Variants in BCO1 observed in about 807,000 individuals in gnomAD.
BCO1 encodes beta,beta-carotene 15,15'-dioxygenase.
In BCO1, 54 loss-of-function variants were observed where a neutral mutation model predicts 56.3. That is an observed-to-expected ratio of 0.96 (90% CI 0.77 to 1.20). BCO1 has a LOEUF of 1.20. BCO1 is among the 50% of genes most tolerant of loss of function. The pLI, the probability that BCO1 is intolerant of heterozygous loss-of-function variation, is 0.00. For missense variants in BCO1, 801 were observed against 690.9 expected (o/e 1.16, Z -1.79); for synonymous variants, 318 against 266.1 (o/e 1.20, Z -1.90).
At chr16:81,248,405 C>CAAAAAAAAAAAAAAAAAAAAAAAAAAA (rs372084002) in intron 2 of BCO1, among the ~76,000 whole-genome samples, 1 of 102,798 alleles carries the variant, frequency 9.7e-6, no homozygotes, top group African/African-American at 4.2e-5. Flanking sequence ...CTCCCTCTCA[C>CAAAAAAAAAAAAAAAAAAAAAAAAAAA]AAAAAAAAAA....
chr16:81,275,370 G>A (rs1443023959), intron 7 of BCO1, among the ~76,000 whole-genome samples: 1 of 152,220 alleles, frequency 6.6e-6, no homozygotes. Context: ...AGGCCCGGGT[G>A]TGGTCTCAGA....
intron 2 of BCO1, among the ~76,000 whole-genome samples, chr16:81,257,843 G>A (rs1906239569): frequency 6.7e-6 from 1 of 149,192 alleles, no homozygotes; most frequent in Non-Finnish European, 1.5e-5. Flanking sequence ...TTCCACCATT[G>A]CACTCCAGCC....
At chr16:81,239,683 G>A (rs1905028024) in intron 1 of BCO1, among the ~76,000 whole-genome samples, 1 of 152,162 alleles carries the variant, frequency 6.6e-6, no homozygotes, top group African/African-American at 2.4e-5. Flanking sequence ...CACTTGCAGG[G>A]GATTGCAGAG....
chr16:81,260,991 G>A (rs1278024570), intron 3 of BCO1, among the ~76,000 whole-genome samples: 2 of 152,226 alleles, frequency 1.3e-5, no homozygotes, highest in African/African-American at 4.8e-5. Flanking sequence ...GATTGCTTCT[G>A]CTTTTTTGAG....
At chr16:81,282,562 G>A (rs879908402) in intron 8 of BCO1, among the ~76,000 whole-genome samples, 4 of 151,954 alleles carry the variant, frequency 2.6e-5, no homozygotes, top group Admixed American at 6.6e-5. Flanking sequence ...TCCCATAACC[G>A]GTTCTGTGAT....
intron 7 of BCO1, among the ~76,000 whole-genome samples, chr16:81,278,913 G>A (rs1457963725): frequency 6.6e-6 from 1 of 151,646 alleles, no homozygotes; most frequent in African/African-American, 2.4e-5. Context: ...CAGCTGCTAA[G>A]TTGCAGTAAA....
At chr16:81,243,387 T>G (rs1336265360) in intron 1 of BCO1, among the ~76,000 whole-genome samples, 1 of 152,190 alleles carries the variant, frequency 6.6e-6, no homozygotes, top group African/African-American at 2.4e-5. Context: ...GTTTCATTGC[T>G]TACAGTTTTC....
chr16:81,280,326 C>G (rs7200536), intron 7 of BCO1, among the ~76,000 whole-genome samples: 2 of 11,020 alleles, frequency 1.8e-4, no homozygotes, highest in South Asian at 4.1e-3. Context: ...CACACACAGA[C>G]ACACACACAC....
chr16:81,281,302 C>T (rs1043630012), intron 8 of BCO1, among the ~76,000 whole-genome samples: 34 of 152,026 alleles, frequency 2.2e-4, no homozygotes, highest in South Asian at 4.1e-4. Flanking sequence ...AAAAATTAGC[C>T]GGGTGTGGTG....
chr16:81,261,195 T>C (rs534569881), intron 3 of BCO1, among the ~76,000 whole-genome samples: 1 of 152,248 alleles, frequency 6.6e-6, no homozygotes, highest in South Asian at 2.1e-4. Flanking sequence ...AACCACGACC[T>C]GGAGGTCCTG....
chr16:81,264,527 G>A (rs1247725884), intron 4 of BCO1, 113 bp from the exon 5 acceptor site: 44 of 1,269,126 alleles, frequency 3.5e-5, no homozygotes, highest in Middle Eastern at 1.8e-4. Context: ...CCTAGAATCA[G>A]TCACGTTTTC....
chr16:81,267,845 T>C (rs1906923361), intron 5 of BCO1, 63 bp from the exon 6 acceptor site: 1 of 1,377,874 alleles, frequency 7.3e-7, no homozygotes, highest in Non-Finnish European at 1.0e-6. Flanking sequence ...GTGATGGTGG[T>C]GTGGTCTTGG....
chr16:81,272,118 T>C (rs923783807), intron 7 of BCO1, among the ~76,000 whole-genome samples: 16 of 144,826 alleles, frequency 1.1e-4, no homozygotes, highest in South Asian at 2.2e-4. Flanking sequence ...TCTTTCTTTT[T>C]TTTTTTTTTT....
At chr16:81,262,115 T>C (rs561466042) in intron 3 of BCO1, 21 bp from the exon 4 acceptor site, 58 of 1,612,758 alleles carry the variant, frequency 3.6e-5, no homozygotes, top group Non-Finnish European at 4.5e-5. Flanking sequence ...ACTGACTCTG[T>C]TGATTTGCTT....
chr16:81,266,240 G>C (rs892914242), intron 5 of BCO1, among the ~76,000 whole-genome samples: 3 of 152,140 alleles, frequency 2.0e-5, no homozygotes, highest in Non-Finnish European at 2.9e-5. Context: ...TGGGATCTTG[G>C]AGCAAAGCCC....
chr16:81,270,612 G>GA (rs202077167), intron 7 of BCO1, among the ~76,000 whole-genome samples, 196 bp downstream of exon 7: 14 of 151,376 alleles, frequency 9.2e-5, no homozygotes, highest in African/African-American at 3.2e-4. Context: ...GTAAAAAGGA[G>GA]AAAAAAATCC....
At chr16:81,247,752 C>T (rs1905509500) in intron 2 of BCO1, among the ~76,000 whole-genome samples, 1 of 152,052 alleles carries the variant, frequency 6.6e-6, no homozygotes, top group East Asian at 1.9e-4. Flanking sequence ...TCTCGAACTT[C>T]CAACCTCAGG....
chr16:81,267,761 C>A, intron 5 of BCO1, 147 bp from the exon 6 acceptor site: 1 of 719,060 alleles, frequency 1.4e-6, no homozygotes, highest in Non-Finnish European at 2.4e-6. Flanking sequence ...GCAGCAGCTG[C>A]AGCAACCTTG....
At chr16:81,250,664 T>G (rs1905736065) in intron 2 of BCO1, among the ~76,000 whole-genome samples, 1 of 145,080 alleles carries the variant, frequency 6.9e-6, no homozygotes, top group South Asian at 2.2e-4. Flanking sequence ...CACTGCAGGC[T>G]CTGCCTCCCA....
Sources: allele counts gnomAD v4.1 joint callset (sites outside exome capture counted in the v4.1 genomes callset), GRCh38; gene constraint gnomAD v4.1.1; transcripts MANE v1.5; gene names NCBI Gene and HGNC (gene_info 2026-07-23, HGNC 2026-07-21).